The following USP54 variants were observed in gnomAD, a reference collection of about 807,000 sequenced individuals.
The protein encoded by USP54 is ubiquitin specific peptidase 54.
In USP54, 87 loss-of-function variants were observed where a neutral mutation model predicts 170.5. That is an observed-to-expected ratio of 0.51 (90% CI 0.43 to 0.61). The LOEUF (loss-of-function observed/expected upper bound fraction) is 0.61. USP54 is among the 20% of genes least tolerant of loss of function. The probability of loss-of-function intolerance (pLI) is 0.00; values close to 1 mark genes in which losing one functional copy is unlikely to be tolerated. For synonymous variants in USP54, 655 were observed against 742.8 expected (o/e 0.88, Z 1.92); for missense variants, 1,786 against 2,047.8 (o/e 0.87, Z 2.47).
chr10:73,503,699 G>GA (rs928937032), intron 22 of USP54, among the ~76,000 whole-genome samples: 85 of 152,178 alleles, frequency 5.6e-4, no homozygotes, highest in Admixed American at 5.6e-3. Context: ...TAAATTGAAT[G>GA]AAACTTACTA....
At chr10:73,611,698 G>A (rs1388581827) in intron 1 of USP54, 2 of 152,236 alleles carry the variant, frequency 1.3e-5, no homozygotes, top group East Asian at 3.8e-4. Flanking sequence ...TCAGGAGGCT[G>A]AGGCAGGAGA....
chr10:73,607,814 G>C (rs1258823167), intron 1 of USP54, among the ~76,000 whole-genome samples: 1 of 143,226 alleles, frequency 7.0e-6, no homozygotes, highest in South Asian at 2.2e-4. Flanking sequence ...CTGGGAGACA[G>C]AGCAAGACTC....
chr10:73,532,259 G>A (rs1410981989), intron 12 of USP54, among the ~76,000 whole-genome samples: 5 of 151,778 alleles, frequency 3.3e-5, no homozygotes, highest in Non-Finnish European at 1.5e-5. Context: ...TGCAAGCTCC[G>A]CCTTCCGGGT....
intron 4 of USP54, among the ~76,000 whole-genome samples, chr10:73,558,351 T>C (rs762701196): frequency 1.3e-5 from 2 of 152,146 alleles, no homozygotes; most frequent in Non-Finnish European, 2.9e-5. Flanking sequence ...ACCCAGTACA[T>C]TTTACAGAAC....
At chr10:73,563,721 G>A (rs1178040307) in intron 4 of USP54, among the ~76,000 whole-genome samples, 7 of 152,164 alleles carry the variant, frequency 4.6e-5, no homozygotes, top group African/African-American at 1.2e-4. Flanking sequence ...ACAGGCGTGA[G>A]CCACCGCACC....
intron 1 of USP54, chr10:73,606,487 T>C (rs530837668): frequency 6.6e-6 from 1 of 152,112 alleles, no homozygotes; most frequent in South Asian, 2.1e-4. Flanking sequence ...TATAAGATGT[T>C]GAGAGAGAAA....
At position 73,530,238 on chromosome 10, in the gene USP54, G is replaced by A; in HGVS notation, c.1733C>T (p.Pro578Leu). 1 of 1,614,040 alleles carries A rather than the reference G, an allele frequency of 6.2e-7. No homozygotes were observed. Among genetic ancestry groups the A allele is most frequent in the Non-Finnish European group, 8.5e-7 (1 of 1,180,018 alleles). ...GTCAATATTCAGAGATTCTCGTTTG[G>A]GTCTCCATGTGGGACGATACTTGCT... ...SSSKYRPTWR[P>L]KRESLNIDSI... Residue 578 changes from proline (P) to leucine (L), a missense_variant, in exon 14 of 24, where the codon CCC becomes CTC. Around this residue, in one of 3 missense-constraint regions of USP54, gnomAD observed 1,418 missense variants for 1,569.0 expected, o/e 0.90. Transcript: ENST00000687698.
chr10:73,555,991 C>T (rs184383045), intron 4 of USP54, among the ~76,000 whole-genome samples: 13 of 152,162 alleles, frequency 8.5e-5, no homozygotes, highest in African/African-American at 3.1e-4. Flanking sequence ...ATATTTAAAC[C>T]AGTCACAGTC....
rs905480531 is a variant in USP54, at chr10:73,498,001, T to G, written c.*628A>C. ...GGACATAAAGCATCCAGGAATAAAA[T>G]GTGACCTTAAAATCCTAAGGAATGG... On this transcript the variant is annotated 3_prime_UTR_variant, in exon 24 of 24. Coordinates refer to ENST00000687698, the MANE Select transcript of USP54 (RefSeq NM_001391956.1). The G allele has an allele frequency of 6.6e-6, 1 of 152,284 alleles. No homozygotes were observed. The highest frequency in any genetic ancestry group is 1.5e-5 in the Non-Finnish European group (1 of 68,100). The allele number at this position is 152,284 out of a possible 1,614,324, so 9.4% of individuals were successfully genotyped here.
rs775939342 is a variant in USP54, at chr10:73,517,032, G to C, written c.3394C>G (p.Leu1132Val). The stretch of plus-strand genomic sequence containing the variant: ...TGCATCCTCTGGAACTGCTCAGCCA[G>C]AGAACGGACAAGCCCCTTTGTGCTG... ...FPSTKGLVRS[L>V]AEQFQRMQGV... Residue 1132 changes from leucine to valine, a missense_variant, in exon 20 of 24, where the codon CTG becomes GTG. Coordinates refer to ENST00000687698, the MANE Select transcript of USP54 (RefSeq NM_001391956.1). 2 of 1,614,108 alleles carry C rather than the reference G, an allele frequency of 1.2e-6. No individual in the cohort carries two copies. The highest frequency in any genetic ancestry group is 2.7e-5 in the African/African-American group (2 of 74,948).
rs2057417575 is a variant in USP54, at chr10:73,498,651, A to T, written c.5033T>A (p.Val1678Asp). 1.9e-6 allele frequency: 3 copies of T among 1,553,340 alleles called. No individual in the cohort carries two copies. The South Asian group carries it at 3.7e-5, about 19-fold the overall frequency. ...CCTTTACCATTGACTGTGCTGCAGG[A>T]CTCTAGCCCTGATCTGCTCTCTTCT... ...APRREQIRARVLQHSQW is the reference protein window; with the variant it reads ...APRREQIRARDLQHSQW The change falls in exon 24 of 24, where the codon GTC becomes GAC. Residue 1678 changes from valine to aspartate, a missense_variant. Val to Asp is a radical substitution (Grantham distance 152, BLOSUM62 -3). This residue lies in a region of USP54 where 1,418 missense variants were observed against 1,569.0 expected (regional missense o/e 0.90). Coordinates refer to ENST00000687698, the MANE Select transcript of USP54 (RefSeq NM_001391956.1).
chr10:73,523,811 A>C, intron 16 of USP54, 61 bp from the exon 17 acceptor site: 1 of 1,465,108 alleles, frequency 6.8e-7, no homozygotes. Context: ...GTACTTGATG[A>C]ATTTATGACC....
At chr10:73,624,192 A>T (rs866207861) in intron 1 of USP54, among the ~76,000 whole-genome samples, 3,972 of 108,988 alleles carry the variant, frequency 0.036, 156 homozygotes, top group East Asian at 0.15. Flanking sequence ...ATATATATAT[A>T]TATGTATTTT....
At chr10:73,507,264 A>G (rs1004983435) in intron 20 of USP54, 1 of 151,904 alleles carries the variant, frequency 6.6e-6, no homozygotes, top group Non-Finnish European at 1.5e-5. Flanking sequence ...AAAATTGTCT[A>G]TAATAAAAAC....
intron 4 of USP54, among the ~76,000 whole-genome samples, chr10:73,550,172 C>T (rs1197858707): frequency 1.3e-5 from 2 of 152,182 alleles, no homozygotes; most frequent in Non-Finnish European, 2.9e-5. Context: ...GATCCACCTG[C>T]CTCAGCCTCC....
chr10:73,525,604 GA>G (rs1229460200), intron 16 of USP54, among the ~76,000 whole-genome samples: 1 of 152,208 alleles, frequency 6.6e-6, no homozygotes, highest in East Asian at 1.9e-4. Flanking sequence ...CAAGTTTCTT[GA>G]AACAATGTTA....
chr10:73,521,261 T>A (rs189866457), intron 17 of USP54, among the ~76,000 whole-genome samples: 5 of 152,336 alleles, frequency 3.3e-5, no homozygotes, highest in African/African-American at 1.2e-4. Context: ...CCACATATTC[T>A]AACACCAAGA....
chr10:73,504,079 CTGGTAGAAGACAGACT>C (rs2058654937), intron 22 of USP54: 1 of 152,256 alleles, frequency 6.6e-6, no homozygotes, highest in Non-Finnish European at 1.5e-5. Flanking sequence ...ATCTGAAGGG[CTGGTAGAAGACAGACT>C]TGGTTTTCAC....
chr10:73,502,027 T>C (rs923266414), intron 22 of USP54, among the ~76,000 whole-genome samples: 6 of 152,236 alleles, frequency 3.9e-5, no homozygotes, highest in African/African-American at 7.2e-5. Context: ...TATTTGTTTA[T>C]TGTCTTCTCC....
Sources: allele counts gnomAD v4.1 joint callset (sites outside exome capture counted in the v4.1 genomes callset), GRCh38; gene constraint gnomAD v4.1.1; regional missense constraint gnomAD v4.1.1; transcripts MANE v1.5; gene names NCBI Gene and HGNC (gene_info 2026-07-23, HGNC 2026-07-21).